Variants in QTMAN observed in about 807,000 individuals in gnomAD.
The protein encoded by QTMAN is tRNA-queuosine alpha-mannosyltransferase.
the QTMAN span, among the ~76,000 whole-genome samples, chr2:144,246,598 A>AGAAAG: frequency 1.3e-5 from 2 of 148,978 alleles, no homozygotes; most frequent in African/African-American, 2.5e-5. Context: ...AAAAAAAAAA[A>AGAAAG]AAAAGAAAAG....
chr2:144,155,792 C>T, the QTMAN span, among the ~76,000 whole-genome samples: 1 of 152,054 alleles, frequency 6.6e-6, no homozygotes, highest in African/African-American at 2.4e-5. Context: ...GGCTTTTGGA[C>T]AGTATCATGA....
At chr2:143,968,612 A>G in the QTMAN span, among the ~76,000 whole-genome samples, 3 of 152,172 alleles carry the variant, frequency 2.0e-5, no homozygotes, top group African/African-American at 7.2e-5. Flanking sequence ...GAAAGTACGC[A>G]GTGGTAAGAC....
the QTMAN span, among the ~76,000 whole-genome samples, chr2:144,226,321 A>G: frequency 6.6e-6 from 1 of 152,334 alleles, no homozygotes; most frequent in African/African-American, 2.4e-5. Flanking sequence ...TGAGCCAGAT[A>G]CTATACTGAT....
chr2:144,273,005 C>T, the QTMAN span, among the ~76,000 whole-genome samples: 1 of 151,888 alleles, frequency 6.6e-6, no homozygotes, highest in Non-Finnish European at 1.5e-5. Flanking sequence ...TATTTAAAAA[C>T]ACTAAAAGGA....
At chr2:144,092,859 TAAAC>T in the QTMAN span, among the ~76,000 whole-genome samples, 1 of 142,410 alleles carries the variant, frequency 7.0e-6, no homozygotes, top group South Asian at 2.2e-4. Flanking sequence ...GTTGAATAAA[TAAAC>T]TTTTGGGGTG....
At chr2:144,049,137 G>A in the QTMAN span, among the ~76,000 whole-genome samples, 5 of 152,084 alleles carry the variant, frequency 3.3e-5, no homozygotes, top group African/African-American at 4.8e-5. Flanking sequence ...ACAATACAAA[G>A]AGAAATAGTT....
chr2:144,148,642 C>T, the QTMAN span, among the ~76,000 whole-genome samples: 5 of 151,736 alleles, frequency 3.3e-5, no homozygotes, highest in East Asian at 5.8e-4. Flanking sequence ...AATGTTTAAC[C>T]GAAAGGAGCC....
the QTMAN span, among the ~76,000 whole-genome samples, chr2:144,322,340 A>G: frequency 6.6e-6 from 1 of 152,212 alleles, no homozygotes; most frequent in Admixed American, 6.5e-5. Context: ...ATTAAATGAG[A>G]AAAAGTTTAA....
At chr2:143,948,202 A>T in the QTMAN span, among the ~76,000 whole-genome samples, 1 of 152,222 alleles carries the variant, frequency 6.6e-6, no homozygotes, top group Non-Finnish European at 1.5e-5. Flanking sequence ...TGACATAATC[A>T]AGATAACCAC....
At chr2:144,068,815 A>T in the QTMAN span, among the ~76,000 whole-genome samples, 1 of 152,220 alleles carries the variant, frequency 6.6e-6, no homozygotes, top group Non-Finnish European at 1.5e-5. Flanking sequence ...GTGAATTAGA[A>T]TAAGGTCAAA....
the QTMAN span, among the ~76,000 whole-genome samples, chr2:144,005,381 G>A: frequency 6.6e-6 from 1 of 151,992 alleles, no homozygotes; most frequent in Non-Finnish European, 1.5e-5. Flanking sequence ...GGGAACCTGC[G>A]GATGATGCAT....
At chr2:143,994,035 T>C in the QTMAN span, among the ~76,000 whole-genome samples, 21 of 152,208 alleles carry the variant, frequency 1.4e-4, no homozygotes, top group African/African-American at 4.8e-4. Context: ...TTTGAATTCC[T>C]GGTAGCTCCC....
At chr2:143,985,393 A>G in the QTMAN span, among the ~76,000 whole-genome samples, 1 of 152,274 alleles carries the variant, frequency 6.6e-6, no homozygotes, top group Non-Finnish European at 1.5e-5. Flanking sequence ...CAGAAAGATA[A>G]GCCATTTTTT....
the QTMAN span, among the ~76,000 whole-genome samples, chr2:144,189,769 G>A: frequency 2.6e-5 from 4 of 151,926 alleles, no homozygotes; most frequent in African/African-American, 4.8e-5. Flanking sequence ...ACAGGCACTC[G>A]CCACCAGGTC....
the QTMAN span, among the ~76,000 whole-genome samples, chr2:144,246,458 A>G: frequency 6.6e-6 from 1 of 150,926 alleles, no homozygotes; most frequent in South Asian, 2.1e-4. Context: ...CTGTAGTCCC[A>G]GCTACTCGGG....
the QTMAN span, among the ~76,000 whole-genome samples, chr2:144,172,025 C>T: frequency 6.6e-6 from 1 of 151,954 alleles, no homozygotes; most frequent in Non-Finnish European, 1.5e-5. Flanking sequence ...ATTTTCATGA[C>T]ATAATATGAA....
the QTMAN span, among the ~76,000 whole-genome samples, chr2:144,027,081 T>C: frequency 2.0e-5 from 3 of 152,330 alleles, no homozygotes; most frequent in African/African-American, 7.2e-5. Context: ...CCTGTTCAGT[T>C]TGTTATACAT....
the QTMAN span, among the ~76,000 whole-genome samples, chr2:143,976,040 C>G: frequency 6.6e-6 from 1 of 152,184 alleles, no homozygotes; most frequent in East Asian, 1.9e-4. Context: ...TGTTAAGCAC[C>G]TGATCATAAT....
the QTMAN span, among the ~76,000 whole-genome samples, chr2:144,231,338 T>C: frequency 0.036 from 5,464 of 152,228 alleles, 146 homozygotes; most frequent in Non-Finnish European, 0.054. Flanking sequence ...GAAGTACTAG[T>C]TATAATTATA....
Sources: allele counts gnomAD v4.1 joint callset (sites outside exome capture counted in the v4.1 genomes callset), GRCh38; gene constraint gnomAD v4.1.1; transcripts MANE v1.5; gene names NCBI Gene and HGNC (gene_info 2026-07-23, HGNC 2026-07-21).